Variants in KLRG1 observed in about 807,000 individuals in gnomAD.
The protein encoded by KLRG1 is killer cell lectin like receptor G1, also known as killer cell lectin-like receptor subfamily G member 1.
A neutral mutation model predicts 21.8 loss-of-function variants in KLRG1; 16 were observed. The ratio of observed to expected loss-of-function variants is 0.73; its 90% confidence interval spans 0.50 to 1.11. The LOEUF is 1.11. KLRG1 is among the 50% of genes most tolerant of loss of function. KLRG1 has a pLI of 0.00. For synonymous variants in KLRG1, 69 were observed against 75.9 expected, an observed-to-expected ratio of 0.91 and a Z score of 0.47; for missense variants, 173 against 218.3, an observed-to-expected ratio of 0.79 and a Z score of 1.31.
the KLRG1 span, chr12:9,149,043 C>A: frequency 1.3e-6 from 2 of 1,549,758 alleles, no homozygotes; most frequent in East Asian, 4.5e-5. Flanking sequence ...TCCTGAGGAG[C>A]ATTCAGTTGA....
intron 3 of KLRG1, among the ~76,000 whole-genome samples, chr12:9,007,128 G>C (rs1179470003): frequency 1.3e-5 from 2 of 152,164 alleles, no homozygotes; most frequent in African/African-American, 4.8e-5. Flanking sequence ...GTCATGTCCT[G>C]AATGGAAACA....
chr12:9,090,260 T>C, the KLRG1 span: 1 of 1,570,150 alleles, frequency 6.4e-7, no homozygotes, highest in Non-Finnish European at 8.7e-7. Context: ...CAGCATCTAG[T>C]GGTCTTTTCC....
At chr12:9,174,148 C>G in the KLRG1 span, among the ~76,000 whole-genome samples, 1 of 152,206 alleles carries the variant, frequency 6.6e-6, no homozygotes, top group African/African-American at 2.4e-5. Context: ...TAGGCTTCAT[C>G]CCTGGGATGC....
chr12:9,050,746 T>C, the KLRG1 span, among the ~76,000 whole-genome samples: 2 of 151,838 alleles, frequency 1.3e-5, no homozygotes, highest in Admixed American at 1.3e-4. Context: ...CGTGGGAACC[T>C]CCCCCCTTTC....
At chr12:9,089,146 G>T in the KLRG1 span, 1 of 1,323,772 alleles carries the variant, frequency 7.6e-7, no homozygotes, top group Non-Finnish European at 1.1e-6. Flanking sequence ...AATGTTCTTT[G>T]AACTTTAAAT....
the KLRG1 span, among the ~76,000 whole-genome samples, chr12:9,183,602 A>G: frequency 6.6e-6 from 1 of 152,074 alleles, no homozygotes; most frequent in African/African-American, 2.4e-5. Context: ...GGATCTTGCT[A>G]TGTAGCCCAG....
At chr12:9,024,499 A>G in the KLRG1 span, among the ~76,000 whole-genome samples, 21 of 152,176 alleles carry the variant, frequency 1.4e-4, no homozygotes, top group African/African-American at 4.8e-4. Flanking sequence ...CTTGGTCCTG[A>G]GGGTTTTACT....
the KLRG1 span, chr12:9,090,368 G>A: frequency 2.1e-5 from 34 of 1,613,834 alleles, no homozygotes; most frequent in Non-Finnish European, 2.6e-5. Context: ...AATGACTTTG[G>A]GGTTACTGCC....
the KLRG1 span, among the ~76,000 whole-genome samples, chr12:9,030,563 C>A: frequency 1.3e-5 from 2 of 152,138 alleles, no homozygotes; most frequent in African/African-American, 4.8e-5. Context: ...CCCACCACCA[C>A]ACCTGGCTAA....
chr12:9,195,221 G>GT, the KLRG1 span, among the ~76,000 whole-genome samples: 4 of 151,988 alleles, frequency 2.6e-5, no homozygotes, highest in Admixed American at 6.6e-5. Flanking sequence ...ATACTATGAT[G>GT]TATCAATTTT....
At chr12:9,048,991 C>T in the KLRG1 span, among the ~76,000 whole-genome samples, 1 of 152,124 alleles carries the variant, frequency 6.6e-6, no homozygotes, top group Non-Finnish European at 1.5e-5. Flanking sequence ...TTTAAAAGAA[C>T]AAACAAGAGA....
chr12:9,077,570 C>T, the KLRG1 span: 1 of 1,494,770 alleles, frequency 6.7e-7, no homozygotes, highest in Non-Finnish European at 9.1e-7. Flanking sequence ...TCTATCCCCT[C>T]TTTTTTGGTG....
the KLRG1 span, chr12:9,069,120 G>A: frequency 8.1e-6 from 2 of 246,374 alleles, no homozygotes; most frequent in African/African-American, 4.5e-5. Context: ...ATGACTAACT[G>A]TGTTCATTTT....
chr12:9,077,456 T>G, the KLRG1 span: 1 of 1,579,866 alleles, frequency 6.3e-7, no homozygotes, highest in Non-Finnish European at 8.7e-7. Flanking sequence ...ATAATTCAAC[T>G]TCTGAGAATG....
At chr12:9,112,855 C>T in the KLRG1 span, among the ~76,000 whole-genome samples, 3 of 152,132 alleles carry the variant, frequency 2.0e-5, no homozygotes, top group Admixed American at 6.5e-5. Flanking sequence ...AGGGCATGGT[C>T]GAAGCATGTT....
chr12:9,070,717 A>G, the KLRG1 span: 1 of 622,468 alleles, frequency 1.6e-6, no homozygotes, highest in East Asian at 2.8e-5. Context: ...TGGTTTGTAA[A>G]AGTGGTGTGC....
At chr12:8,967,321 AACTTTAT>A (rs1946492186) in intron 1 of KLRG1, among the ~76,000 whole-genome samples, 1 of 152,112 alleles carries the variant, frequency 6.6e-6, no homozygotes, top group African/African-American at 2.4e-5. Context: ...TGTACCCTAA[AACTTTAT>A]ACTTTAAGTT....
the KLRG1 span, chr12:9,204,036 A>G: frequency 7.7e-7 from 1 of 1,290,936 alleles, no homozygotes; most frequent in Non-Finnish European, 1.1e-6. Context: ...AACAATATGT[A>G]TTAATTGGTG....
the KLRG1 span, chr12:9,203,677 G>A: frequency 7.0e-7 from 1 of 1,436,324 alleles, no homozygotes; most frequent in Non-Finnish European, 9.6e-7. Flanking sequence ...GTCATACCTT[G>A]GGATCGCACA....
Sources: allele counts gnomAD v4.1 joint callset (sites outside exome capture counted in the v4.1 genomes callset), GRCh38; gene constraint gnomAD v4.1.1; transcripts MANE v1.5; gene names NCBI Gene and HGNC (gene_info 2026-07-23, HGNC 2026-07-21).